Variants in DTNA observed in about 807,000 individuals in gnomAD.
The protein encoded by DTNA is dystrobrevin alpha.
Under a neutral mutation model 100.7 loss-of-function variants are expected in DTNA, and 43 were observed. That is an observed-to-expected ratio of 0.43 (90% CI 0.33 to 0.55). DTNA has a LOEUF of 0.55. Ranked by LOEUF, DTNA falls within the 20% of genes least tolerant of loss-of-function variation. The pLI, the probability that DTNA is intolerant of heterozygous loss-of-function variation, is 0.04. For synonymous variants in DTNA, 349 were observed against 347.9 expected (o/e 1.00, Z -0.04); for missense variants, 798 against 953.9 (o/e 0.84, Z 2.15).
intron 17 of DTNA, chr18:34,866,851 G>A (rs923639672): frequency 7.8e-6 from 8 of 1,029,718 alleles, no homozygotes; most frequent in African/African-American, 1.7e-5. Context: ...TTTCGGCTCC[G>A]GGAGACGAGA....
At chr18:34,510,626 T>TC (rs1220883376) in intron 1 of DTNA, among the ~76,000 whole-genome samples, 2 of 149,576 alleles carry the variant, frequency 1.3e-5, no homozygotes, top group Admixed American at 6.7e-5. Flanking sequence ...GCCATTCTTT[T>TC]TTTTTTTTTT....
intron 1 of DTNA, among the ~76,000 whole-genome samples, chr18:34,596,275 C>T (rs1288882505): frequency 6.6e-6 from 1 of 152,042 alleles, no homozygotes; most frequent in Non-Finnish European, 1.5e-5. Flanking sequence ...AGTGACATGA[C>T]GCGATTGATC....
At chr18:34,761,998 T>C (rs2093203760) in intron 2 of DTNA, among the ~76,000 whole-genome samples, 1 of 152,172 alleles carries the variant, frequency 6.6e-6, no homozygotes, top group Non-Finnish European at 1.5e-5. Context: ...AAAGTATAGA[T>C]TCTTTGGAGT....
At chr18:34,881,258 A>G (rs1363167442) in intron 20 of DTNA, among the ~76,000 whole-genome samples, 2 of 152,126 alleles carry the variant, frequency 1.3e-5, no homozygotes, top group African/African-American at 4.8e-5. Context: ...TTGTCTAAAC[A>G]TGTACTTGTG....
chr18:34,619,174 C>T (rs925242222), intron 1 of DTNA, among the ~76,000 whole-genome samples: 1 of 152,094 alleles, frequency 6.6e-6, no homozygotes, highest in Non-Finnish European at 1.5e-5. Context: ...TTTAGCATTG[C>T]TAAAGCCTAA....
intron 1 of DTNA, among the ~76,000 whole-genome samples, chr18:34,729,528 G>C (rs375666461): frequency 6.6e-6 from 1 of 152,178 alleles, no homozygotes; most frequent in East Asian, 1.9e-4. Flanking sequence ...AGAACAGGAC[G>C]TCTGAGTGTG....
At chr18:34,778,879 G>A (rs534653568) in intron 3 of DTNA, among the ~76,000 whole-genome samples, 20 of 152,152 alleles carry the variant, frequency 1.3e-4, no homozygotes, top group Non-Finnish European at 1.9e-4. Flanking sequence ...GTGCAGTGGC[G>A]TGATCTCGGC....
At chr18:34,792,090 G>GTT (rs199767364) in intron 3 of DTNA, among the ~76,000 whole-genome samples, 3,356 of 35,734 alleles carry the variant, frequency 0.094, 136 homozygotes, top group African/African-American at 0.21. Context: ...TATGTAACCT[G>GTT]TTGTTTTTTT....
At chr18:34,590,630 T>C (rs1157554967) in intron 1 of DTNA, among the ~76,000 whole-genome samples, 1 of 152,214 alleles carries the variant, frequency 6.6e-6, no homozygotes, top group Non-Finnish European at 1.5e-5. Context: ...ATAGAGTCTA[T>C]TTCTGGAGAA....
At chr18:34,739,096 A>G (rs1418869234) in intron 1 of DTNA, among the ~76,000 whole-genome samples, 1 of 152,050 alleles carries the variant, frequency 6.6e-6, no homozygotes, top group Non-Finnish European at 1.5e-5. Flanking sequence ...TCCTGTTTCT[A>G]TTGTTGCACA....
rs1457749914 is a variant in DTNA, at chr18:34,780,536, T to A, written c.149-13501T>A. 2.0e-5 allele frequency among the ~76,000 whole-genome samples: 3 copies of A among 152,316 alleles called. No individual in the cohort carries two copies. The East Asian group carries it at 5.8e-4, about 29-fold the overall frequency. ...AAGTATGATACATTTTATCTTTCAA[T>A]TTAAATAGTGCTAAATAAAAAACAA... On this transcript the variant is annotated intron_variant, in intron 3 of 22. Transcript: ENST00000444659.
At chr18:34,605,116 C>CAA (rs71266904) in intron 1 of DTNA, among the ~76,000 whole-genome samples, 7,644 of 135,484 alleles carry the variant, frequency 0.056, 274 homozygotes, top group Non-Finnish European at 0.078. Context: ...AGAAAACCAG[C>CAA]AAAAAAAAAA....
intron 1 of DTNA, among the ~76,000 whole-genome samples, chr18:34,616,582 C>A (rs938165769): frequency 3.3e-5 from 5 of 152,232 alleles, no homozygotes; most frequent in East Asian, 1.9e-4. Context: ...CAGCTTTGTT[C>A]TTTTTGCTTA....
intron 1 of DTNA, among the ~76,000 whole-genome samples, chr18:34,498,348 G>A (rs1386095035): frequency 6.6e-6 from 1 of 151,596 alleles, no homozygotes; most frequent in Non-Finnish European, 1.5e-5. Context: ...CAGGAGAATG[G>A]TGTGAACCCG....
At chr18:34,651,676 T>C (rs540713203) in intron 1 of DTNA, among the ~76,000 whole-genome samples, 1 of 152,306 alleles carries the variant, frequency 6.6e-6, no homozygotes, top group African/African-American at 2.4e-5. Context: ...TTCATTACGA[T>C]GCAATGAGAA....
chr18:34,889,374 T>G lies in DTNA; in HGVS notation c.*1640T>G. The G allele has an allele frequency of 2.0e-6, 2 of 984,826 alleles. No homozygotes were observed. The highest frequency in any genetic ancestry group is 2.4e-6 in the Non-Finnish European group (2 of 829,396). 61.0% of individuals were successfully genotyped at this position (984,826 alleles called of 1,614,324 possible). ...GGTTGGGTCCAGAAGTCTGTTTTAG[T>G]CAACCCTCTAGGTGATTCTGATGCT... On this transcript the variant is annotated 3_prime_UTR_variant, in exon 23 of 23. Coordinates refer to ENST00000444659, the MANE Select transcript of DTNA (RefSeq NM_001386795.1).
At chr18:34,840,590 C>G (rs1275837347) in intron 13 of DTNA, among the ~76,000 whole-genome samples, 2 of 152,076 alleles carry the variant, frequency 1.3e-5, no homozygotes, top group African/African-American at 4.8e-5. Flanking sequence ...TTGTCACTAC[C>G]AGCCATTTTC....
rs1488403879 is a variant in DTNA at position 34,643,795 on chromosome 18, A to C, written c.-1-112181A>C. ...AACATGAAATCTTAATAAAATTATCATTATGTAATTCACAGCAATCAGATT... is the reference window on the plus strand; with the variant it reads ...AACATGAAATCTTAATAAAATTATCCTTATGTAATTCACAGCAATCAGATT... On this transcript the variant is annotated intron_variant, in intron 1 of 19. Coordinates refer to the DTNA transcript ENST00000283365. Among the ~76,000 whole-genome samples the C allele has an allele frequency of 3.3e-5, 5 of 152,312 alleles. No individual in the cohort carries two copies. In the East Asian group the frequency reaches 9.6e-4, roughly 29 times the overall value.
intron 1 of DTNA, among the ~76,000 whole-genome samples, chr18:34,723,664 C>A (rs953834002): frequency 2.0e-5 from 3 of 152,026 alleles, no homozygotes; most frequent in Non-Finnish European, 4.4e-5. Context: ...TTTGGGAGGC[C>A]GAGGCAGGTA....
Sources: gnomAD v4.1 joint callset for allele counts (sites outside exome capture counted in the v4.1 genomes callset) on GRCh38, gnomAD v4.1.1 for gene constraint, MANE v1.5 for transcripts, NCBI Gene and HGNC (gene_info 2026-07-23, HGNC 2026-07-21) for gene names.